CNTN5: variants seen among roughly 807,000 people sequenced by gnomAD.
The protein encoded by CNTN5 is contactin 5, also known as contactin-5.
In CNTN5, 77 loss-of-function variants were observed where a neutral mutation model predicts 129.1. The ratio of observed to expected loss-of-function variants is 0.60; its 90% confidence interval spans 0.50 to 0.72. The LOEUF is 0.72. Among genes scored for constraint, CNTN5 ranks in the 30% least tolerant of loss-of-function variants. The pLI is 0.00. For missense variants in CNTN5, 1,478 were observed against 1,328.8 expected (o/e 1.11, Z -1.75); for synonymous variants, 509 against 465.6 (o/e 1.09, Z -1.20).
chr11:99,243,478 T>C (rs1861663215), intron 1 of CNTN5, among the ~76,000 whole-genome samples: 1 of 152,094 alleles, frequency 6.6e-6, no homozygotes, highest in African/African-American at 2.4e-5. Flanking sequence ...AGGCCTTACT[T>C]GTCAATTGTA....
chr11:99,869,929 A>T (rs1331897226), intron 6 of CNTN5, among the ~76,000 whole-genome samples: 1 of 152,146 alleles, frequency 6.6e-6, no homozygotes, highest in Non-Finnish European at 1.5e-5. Flanking sequence ...TGGCTGATGC[A>T]ATATATTGAG....
chr11:99,035,540 C>A (rs1355001536), intron 1 of CNTN5, among the ~76,000 whole-genome samples: 1 of 148,374 alleles, frequency 6.7e-6, no homozygotes, highest in Non-Finnish European at 1.5e-5. Flanking sequence ...TTCTTTGTCT[C>A]TTTTGATCTT....
At chr11:99,236,509 G>A (rs1031806759) in intron 1 of CNTN5, among the ~76,000 whole-genome samples, 1 of 151,708 alleles carries the variant, frequency 6.6e-6, no homozygotes, top group African/African-American at 2.4e-5. Context: ...GAGAGAGAGA[G>A]AGTCTGAATT....
Position 99,744,328 on chromosome 11 carries a change from C to G in CNTN5, c.56-75216C>G, listed in dbSNP as rs1450605674. 2.0e-5 allele frequency among the ~76,000 whole-genome samples: 3 copies of G among 151,844 alleles called. No individual in the cohort carries two copies. In the East Asian group the frequency reaches 5.8e-4, roughly 29 times the overall value. On this transcript the variant is annotated intron_variant, in intron 3 of 24. Transcript: ENST00000524871. ...TAAACCTCTGGCCCCCACAAACAAA[C>G]AAACAAACAAACAGAAAGAAAACAC... is the stretch of plus-strand genomic sequence containing the variant.
chr11:99,083,508 T>C (rs1217163076), intron 1 of CNTN5, among the ~76,000 whole-genome samples: 2 of 152,200 alleles, frequency 1.3e-5, no homozygotes, highest in African/African-American at 2.4e-5. Context: ...TCACTGCAAA[T>C]CTTACTTCCT....
intron 1 of CNTN5, among the ~76,000 whole-genome samples, chr11:99,169,863 C>G (rs1861062954): frequency 1.3e-5 from 2 of 152,016 alleles, no homozygotes. Flanking sequence ...GAAAGTTTAT[C>G]TAGGTATAGA....
intron 1 of CNTN5, among the ~76,000 whole-genome samples, chr11:99,049,230 T>C (rs1005705987): frequency 3.3e-5 from 5 of 152,292 alleles, no homozygotes; most frequent in African/African-American, 1.2e-4. Context: ...AGTTGACTTG[T>C]GAAATTAATT....
intron 9 of CNTN5, among the ~76,000 whole-genome samples, chr11:100,042,613 G>A (rs960011872): frequency 3.3e-5 from 5 of 152,144 alleles, no homozygotes; most frequent in African/African-American, 1.2e-4. Flanking sequence ...CTCATCATAT[G>A]TATAAAAATG....
chr11:99,345,647 A>G (rs1358340360), intron 2 of CNTN5, among the ~76,000 whole-genome samples: 3 of 152,348 alleles, frequency 2.0e-5, no homozygotes, highest in Admixed American at 6.5e-5. Context: ...GAGCGTTAAT[A>G]CCTGTGTTTT....
At chr11:99,836,291 C>G (rs137872938) in intron 4 of CNTN5, among the ~76,000 whole-genome samples, 4,609 of 136,818 alleles carry the variant, frequency 0.034, 105 homozygotes, top group South Asian at 0.1. Context: ...TATCCCTCCC[C>G]CCTCCCCCAA....
At chr11:99,070,704 T>C (rs1865306723) in intron 1 of CNTN5, among the ~76,000 whole-genome samples, 1 of 148,342 alleles carries the variant, frequency 6.7e-6, no homozygotes, top group African/African-American at 2.5e-5. Context: ...GATCAAGGTA[T>C]ACCAATGGTT....
chr11:99,881,385 C>T (rs1948767641), intron 6 of CNTN5, among the ~76,000 whole-genome samples: 1 of 152,108 alleles, frequency 6.6e-6, no homozygotes, highest in Non-Finnish European at 1.5e-5. Flanking sequence ...TTTTTAGTTC[C>T]TTATGAAATG....
chr11:99,424,192 T>C (rs1943018439), intron 2 of CNTN5, among the ~76,000 whole-genome samples: 1 of 152,366 alleles, frequency 6.6e-6, no homozygotes, highest in Non-Finnish European at 1.5e-5. Context: ...AATACTCTTG[T>C]ACTTTGGTGC....
intron 3 of CNTN5, among the ~76,000 whole-genome samples, chr11:99,778,043 G>A (rs866142989): frequency 6.6e-5 from 10 of 151,870 alleles, no homozygotes; most frequent in Middle Eastern, 3.4e-3. Flanking sequence ...AACCATATAT[G>A]ACTCCATTTT....
intron 1 of CNTN5, among the ~76,000 whole-genome samples, chr11:99,188,166 G>A (rs989873139): frequency 5.5e-4 from 83 of 151,852 alleles, no homozygotes; most frequent in Non-Finnish European, 3.8e-4. Context: ...ATGACAGTAT[G>A]TCCAACTAGT....
At chr11:100,206,412 G>A (rs1948913459) in intron 15 of CNTN5, among the ~76,000 whole-genome samples, 1 of 152,052 alleles carries the variant, frequency 6.6e-6, no homozygotes, top group African/African-American at 2.4e-5. Context: ...TGAGAGTTAA[G>A]TAAATGACCA....
intron 13 of CNTN5, among the ~76,000 whole-genome samples, chr11:100,159,330 A>G (rs1947361947): frequency 6.6e-6 from 1 of 151,830 alleles, no homozygotes; most frequent in African/African-American, 2.4e-5. Context: ...TGTTCCCTTC[A>G]TTATTTCTGC....
intron 3 of CNTN5, among the ~76,000 whole-genome samples, chr11:99,648,749 C>A (rs1479153435): frequency 6.6e-6 from 1 of 151,814 alleles, no homozygotes; most frequent in Non-Finnish European, 1.5e-5. Flanking sequence ...AAAACCCCAT[C>A]ATTTCTGGTA....
intron 2 of CNTN5, among the ~76,000 whole-genome samples, chr11:99,486,144 C>T (rs1008552089): frequency 6.6e-6 from 1 of 151,948 alleles, no homozygotes; most frequent in Admixed American, 6.6e-5. Context: ...TTTATGAGTA[C>T]AATTCAGTTA....
Sources: allele counts gnomAD v4.1 joint callset (sites outside exome capture counted in the v4.1 genomes callset), GRCh38; gene constraint gnomAD v4.1.1; transcripts MANE v1.5; gene names NCBI Gene and HGNC (gene_info 2026-07-23, HGNC 2026-07-21).